Variants in ANO2 observed in about 807,000 individuals in gnomAD.
The protein encoded by ANO2 is anoctamin 2.
In ANO2, 101 loss-of-function variants were observed where a neutral mutation model predicts 124.2. The observed-to-expected ratio is 0.81, with a 90% CI of 0.69 to 0.96. The LOEUF is 0.96. Ranked by LOEUF, ANO2 falls within the 40% of genes least tolerant of loss-of-function variation. The pLI is 0.00. For missense variants in ANO2, 1,293 were observed against 1,274.5 expected, an observed-to-expected ratio of 1.01 and a Z score of -0.22; for synonymous variants, 486 against 482.5, an observed-to-expected ratio of 1.01 and a Z score of -0.09.
chr12:5,827,400 A>G (rs559114490), intron 7 of ANO2, among the ~76,000 whole-genome samples: 46 of 152,332 alleles, frequency 3.0e-4, no homozygotes, highest in Non-Finnish European at 5.6e-4. Context: ...GCTGGACTAA[A>G]GGACCTCTAA....
chr12:5,579,783 C>T (rs1942638398), intron 20 of ANO2, among the ~76,000 whole-genome samples: 1 of 152,188 alleles, frequency 6.6e-6, no homozygotes, highest in Admixed American at 6.5e-5. Context: ...CGACCATGGT[C>T]CTGCCTTCTC....
At position 5,636,159 on chromosome 12, in the gene ANO2, G is replaced by T. The variant is rs535037474; in HGVS notation, c.1621-812C>A. Among the ~76,000 whole-genome samples the T allele has an allele frequency of 2.6e-5, 4 of 152,210 alleles. 1 individual carries two copies. The highest frequency in any genetic ancestry group is 9.6e-5 in the African/African-American group (4 of 41,544). Reference sequence around the variant, plus strand: ...GGTTATAGCCACGTGACCTCTAAGGGTTCCCCTCATTTCCTCTCTCTAGAA... The same window carrying T: ...GGTTATAGCCACGTGACCTCTAAGGTTTCCCCTCATTTCCTCTCTCTAGAA... On this transcript the variant is annotated intron_variant, in intron 15 of 24. Coordinates refer to ENST00000682330, the MANE Select transcript of ANO2 (RefSeq NM_001364791.2). This position sits in a 1 kb window ranked among gnomAD's most constrained non-coding sequence, Gnocchi z 4.6.
chr12:5,873,196 G>T (rs992290315), intron 3 of ANO2, among the ~76,000 whole-genome samples: 1 of 118,934 alleles, frequency 8.4e-6, no homozygotes, highest in Non-Finnish European at 1.7e-5. Context: ...GCCTAAAGCA[G>T]CTCTCTCTCT....
At chr12:5,818,523 C>G (rs1953687870) in intron 7 of ANO2, among the ~76,000 whole-genome samples, 1 of 101,062 alleles carries the variant, frequency 9.9e-6, no homozygotes, top group Non-Finnish European at 2.1e-5. Context: ...ATATATATAT[C>G]CTATTAGTTC....
intron 15 of ANO2, among the ~76,000 whole-genome samples, chr12:5,639,542 G>A (rs1395431877): frequency 1.3e-5 from 2 of 152,140 alleles, no homozygotes; most frequent in African/African-American, 2.4e-5. Flanking sequence ...TATAGGGATC[G>A]GTTGCAATTT....
intron 4 of ANO2, among the ~76,000 whole-genome samples, chr12:5,850,882 A>C (rs1320028751): frequency 6.6e-6 from 1 of 152,212 alleles, no homozygotes; most frequent in Non-Finnish European, 1.5e-5. Context: ...GACACAACAA[A>C]GTCCTGCATT....
At chr12:5,801,101 A>G (rs1953024444) in intron 9 of ANO2, among the ~76,000 whole-genome samples, 1 of 152,190 alleles carries the variant, frequency 6.6e-6, no homozygotes, top group Admixed American at 6.5e-5. Context: ...CTAATGGGTC[A>G]GGTCAGATGA....
chr12:5,877,176 G>A (rs1324735596), intron 3 of ANO2, among the ~76,000 whole-genome samples: 1 of 152,144 alleles, frequency 6.6e-6, no homozygotes, highest in Non-Finnish European at 1.5e-5. Flanking sequence ...GATTAAGGTG[G>A]CCCTAAACCT....
chr12:5,825,519 CT>C (rs1451208463), intron 7 of ANO2, among the ~76,000 whole-genome samples: 1 of 152,080 alleles, frequency 6.6e-6, no homozygotes, highest in Non-Finnish European at 1.5e-5. Flanking sequence ...GCCTAGAGAT[CT>C]TAGTTTCAGA....
chr12:5,582,450 A>C (rs976377084), intron 20 of ANO2, among the ~76,000 whole-genome samples: 1 of 152,254 alleles, frequency 6.6e-6, no homozygotes, highest in Non-Finnish European at 1.5e-5. Flanking sequence ...TAAAATAACA[A>C]GGAAGAGTGG....
At chr12:5,628,046 G>T (rs554862843) in intron 16 of ANO2, among the ~76,000 whole-genome samples, 48 of 152,340 alleles carry the variant, frequency 3.2e-4, no homozygotes, top group African/African-American at 1.2e-3. Flanking sequence ...GCTGTTGTGA[G>T]TTATGACCAT....
chr12:5,637,809 T>C (rs1044422780), intron 15 of ANO2, among the ~76,000 whole-genome samples: 29 of 152,082 alleles, frequency 1.9e-4, no homozygotes, highest in Non-Finnish European at 2.4e-4. Flanking sequence ...TATCCCACTA[T>C]AGAAATCAAG....
At chr12:5,610,579 ATATT>A (rs1944466220) in intron 19 of ANO2, among the ~76,000 whole-genome samples, 1 of 142,834 alleles carries the variant, frequency 7.0e-6, no homozygotes, top group African/African-American at 2.5e-5. Context: ...AAATATATTT[ATATT>A]TATATTTATA....
chr12:5,602,209 T>C (rs1009623933), intron 19 of ANO2, among the ~76,000 whole-genome samples: 2 of 151,556 alleles, frequency 1.3e-5, no homozygotes, highest in Admixed American at 6.6e-5. Context: ...GACATAGAAA[T>C]GGACAATAGG....
intron 15 of ANO2, among the ~76,000 whole-genome samples, chr12:5,645,860 A>AG (rs1167285764): frequency 6.6e-6 from 1 of 152,194 alleles, no homozygotes; most frequent in African/African-American, 2.4e-5. Flanking sequence ...TACTAGTGTT[A>AG]GGTTAAGTTC....
intron 1 of ANO2, among the ~76,000 whole-genome samples, chr12:5,944,658 G>A (rs1290627896): frequency 6.6e-6 from 1 of 152,218 alleles, no homozygotes; most frequent in Non-Finnish European, 1.5e-5. Context: ...AGCCTGGGGT[G>A]TAAATGCCTG....
intron 22 of ANO2, 147 bp downstream of exon 22, chr12:5,577,808 G>A: frequency 2.8e-6 from 2 of 711,918 alleles, no homozygotes; most frequent in Non-Finnish European, 4.6e-6. Flanking sequence ...CAAGGCATTT[G>A]TGAGCTGTTA....
chr12:5,721,166 C>A (rs1197522623), intron 14 of ANO2, among the ~76,000 whole-genome samples: 1 of 152,142 alleles, frequency 6.6e-6, no homozygotes, highest in East Asian at 1.9e-4. Flanking sequence ...TGATGAGAAA[C>A]CCTCAGTGCC....
intron 3 of ANO2, among the ~76,000 whole-genome samples, chr12:5,882,737 A>T (rs965703803): frequency 6.6e-6 from 1 of 152,192 alleles, no homozygotes; most frequent in Non-Finnish European, 1.5e-5. Flanking sequence ...CCACATCCCC[A>T]AACAGAGCTG....
Sources: allele counts gnomAD v4.1 joint callset (sites outside exome capture counted in the v4.1 genomes callset), GRCh38; gene constraint gnomAD v4.1.1; non-coding constraint Gnocchi (gnomAD v3.1); transcripts MANE v1.5; gene names NCBI Gene and HGNC (gene_info 2026-07-23, HGNC 2026-07-21).